Variants in RABGAP1 observed in about 807,000 individuals in gnomAD.
RABGAP1 encodes rab GTPase-activating protein 1.
RABGAP1 carries 23 observed loss-of-function variants against 137.6 expected under a neutral mutation model. The ratio of observed to expected loss-of-function variants is 0.17; its 90% CI spans 0.12 to 0.24. The LOEUF is 0.24. Ranked by LOEUF, RABGAP1 falls within the 10% of genes least tolerant of loss-of-function variation. RABGAP1 has a pLI of 1.00. For synonymous variants in RABGAP1, 451 were observed against 450.7 expected (o/e 1.00, Z -0.01); for missense variants, 906 against 1,275.8 (o/e 0.71, Z 4.42).
intron 2 of RABGAP1, among the ~76,000 whole-genome samples, chr9:122,981,950 G>A (rs533297976): frequency 1.4e-4 from 21 of 152,084 alleles, no homozygotes; most frequent in African/African-American, 5.1e-4. Flanking sequence ...TTGGGAGGTT[G>A]AGGCAGAAGA....
intron 13 of RABGAP1, among the ~76,000 whole-genome samples, chr9:123,028,954 A>G (rs1190326606): frequency 6.6e-6 from 1 of 152,186 alleles, no homozygotes; most frequent in Non-Finnish European, 1.5e-5. Flanking sequence ...ATAACTTAAT[A>G]TTATATATAT....
At chr9:122,941,356 G>C (rs1833554718) in intron 1 of RABGAP1, among the ~76,000 whole-genome samples, 1 of 152,244 alleles carries the variant, frequency 6.6e-6, no homozygotes, top group Admixed American at 6.5e-5. Context: ...CCCCCTGTCT[G>C]TGTGGGTGCC....
chr9:122,993,972 G>A lies in RABGAP1; in HGVS notation c.924-2069G>A, dbSNP rs563279017. Among the ~76,000 whole-genome samples the A allele has an allele frequency of 4.6e-5, 7 of 152,142 alleles. No homozygotes were observed. In the East Asian group the frequency reaches 1.4e-3, roughly 29 times the overall value. The stretch of plus-strand genomic sequence containing the variant: ...AGCCACCGTGCCCGACCTAAATTGA[G>A]CATTTTCATTCAAAGTACCATTCAA... On this transcript the variant is annotated intron_variant, in intron 6 of 25. Coordinates refer to ENST00000373647, the MANE Select transcript of RABGAP1 (RefSeq NM_012197.4).
chr9:123,074,311 CT>C lies in RABGAP1; in HGVS notation c.2138del (p.Phe713SerfsTer4). 1 of 1,613,868 alleles carries C rather than the reference CT, an allele frequency of 6.2e-7. No homozygotes were observed. Among genetic ancestry groups the C allele is most frequent in the Non-Finnish European group, 8.5e-7 (1 of 1,179,818 alleles). ...QEYIPDLYNH[F>X]LDISLEAHMY... Reference sequence around the variant, plus strand: ...AATACATTCCTGACCTGTACAACCACTTCCTGGATATAAGCCTTGAAGCACA... The same window carrying C: ...AATACATTCCTGACCTGTACAACCACTCCTGGATATAAGCCTTGAAGCACA... On this transcript the variant is annotated frameshift_variant, in exon 17 of 26. Coordinates refer to ENST00000373647, the MANE Select transcript of RABGAP1 (RefSeq NM_012197.4). LOFTEE classifies it high-confidence loss of function.
At chr9:123,061,812 G>GT (rs1487252487) in intron 13 of RABGAP1, 2 of 152,124 alleles carry the variant, frequency 1.3e-5, no homozygotes, top group Non-Finnish European at 2.9e-5. Context: ...CACTGTTGCC[G>GT]TAAGTACATT....
intron 1 of RABGAP1, chr9:122,945,362 G>A (rs1207752322): frequency 6.6e-6 from 1 of 151,840 alleles, no homozygotes; most frequent in Admixed American, 6.6e-5. Context: ...TGCAAGTCTT[G>A]AACACATTAG....
intron 13 of RABGAP1, among the ~76,000 whole-genome samples, chr9:123,044,835 C>T (rs897843545): frequency 1.3e-5 from 2 of 152,056 alleles, no homozygotes; most frequent in Admixed American, 6.6e-5. Flanking sequence ...AGTAGAATTC[C>T]TATAGTCTGA....
chr9:123,084,337 G>T (rs772327961), intron 19 of RABGAP1, among the ~76,000 whole-genome samples: 1 of 152,164 alleles, frequency 6.6e-6, no homozygotes, highest in Non-Finnish European at 1.5e-5. Flanking sequence ...TTAGCTTTCT[G>T]ATAGTCCTAC....
intron 13 of RABGAP1, among the ~76,000 whole-genome samples, chr9:123,025,922 T>C (rs1025019770): frequency 6.6e-6 from 1 of 152,118 alleles, no homozygotes; most frequent in Non-Finnish European, 1.5e-5. Flanking sequence ...TGTTAAATGA[T>C]GATGGTGATA....
At chr9:123,082,876 C>T (rs1219051393) in intron 19 of RABGAP1, among the ~76,000 whole-genome samples, 1 of 152,176 alleles carries the variant, frequency 6.6e-6, no homozygotes, top group Non-Finnish European at 1.5e-5. Flanking sequence ...ATTTTTATTC[C>T]AGAGCTTAAA....
chr9:122,963,492 A>G (rs1834963837), intron 2 of RABGAP1, among the ~76,000 whole-genome samples: 1 of 152,186 alleles, frequency 6.6e-6, no homozygotes, highest in African/African-American at 2.4e-5. Flanking sequence ...AAAATTCACT[A>G]CTACAGGGAA....
intron 12 of RABGAP1, among the ~76,000 whole-genome samples, chr9:123,018,781 T>C (rs898887448): frequency 3.3e-5 from 5 of 152,258 alleles, no homozygotes; most frequent in Admixed American, 3.3e-4. Context: ...TGTGAACATT[T>C]TGAGAAAAAT....
chr9:122,961,316 AT>A, intron 2 of RABGAP1, among the ~76,000 whole-genome samples: 1 of 152,330 alleles, frequency 6.6e-6, no homozygotes, highest in South Asian at 2.1e-4. Flanking sequence ...TGCCCATAAG[AT>A]TTATAGCTAA....
Position 123,076,771 on chromosome 9 carries a change from A to G in RABGAP1, c.2424+9A>G, listed in dbSNP as rs781646926. ...TAGCCTGCAACATGAAGGTAAAATAATTTTGCATTAGTTAAGATTCTGTTT... is the reference window on the plus strand; with the variant it reads ...TAGCCTGCAACATGAAGGTAAAATAGTTTTGCATTAGTTAAGATTCTGTTT... On this transcript the variant is annotated intron_variant, in intron 19 of 25. Coordinates refer to ENST00000373647, the MANE Select transcript of RABGAP1 (RefSeq NM_012197.4). 6.4e-7 allele frequency: 1 copy of G among 1,566,494 alleles called. No homozygotes were observed. The highest frequency in any genetic ancestry group is 1.8e-5 in the Admixed American group (1 of 54,340).
At chr9:122,955,671 T>A (rs887304232) in intron 1 of RABGAP1, among the ~76,000 whole-genome samples, 10 of 152,194 alleles carry the variant, frequency 6.6e-5, no homozygotes, top group African/African-American at 2.4e-4. Flanking sequence ...TCAACTTGAT[T>A]TTAGATTTCT....
intron 19 of RABGAP1, among the ~76,000 whole-genome samples, chr9:123,088,104 G>A (rs892945921): frequency 3.3e-5 from 5 of 151,576 alleles, no homozygotes; most frequent in African/African-American, 1.2e-4. Context: ...GGGACACAGT[G>A]GTGCAGTCTT....
intron 12 of RABGAP1, among the ~76,000 whole-genome samples, chr9:123,019,404 C>G (rs1304753405): frequency 6.6e-6 from 1 of 151,780 alleles, no homozygotes; most frequent in Non-Finnish European, 1.5e-5. Flanking sequence ...CTCACTGCAG[C>G]CTTGAACTCC....
intron 19 of RABGAP1, among the ~76,000 whole-genome samples, chr9:123,077,910 C>A (rs939278809): frequency 1.3e-5 from 2 of 151,984 alleles, no homozygotes; most frequent in African/African-American, 4.8e-5. Flanking sequence ...CATAGAGAGG[C>A]TAAATAAAAT....
intron 13 of RABGAP1, among the ~76,000 whole-genome samples, chr9:123,050,886 G>A (rs979935908): frequency 6.6e-6 from 1 of 152,132 alleles, no homozygotes; most frequent in Non-Finnish European, 1.5e-5. Context: ...GGGACACTGA[G>A]TAAAGTGGTA....
Sources: gnomAD v4.1 joint callset for allele counts (sites outside exome capture counted in the v4.1 genomes callset) on GRCh38, gnomAD v4.1.1 for gene constraint, MANE v1.5 for transcripts, NCBI Gene and HGNC (gene_info 2026-07-23, HGNC 2026-07-21) for gene names.